The following KCNQ3 variants were observed in gnomAD, a reference collection of about 807,000 sequenced individuals.
The protein encoded by KCNQ3 is potassium voltage-gated channel subfamily Q member 3, also known as potassium voltage-gated channel subfamily KQT member 3.
KCNQ3 carries 30 observed loss-of-function variants against 92.5 expected under a neutral mutation model. That is an observed-to-expected ratio of 0.32 (90% CI 0.24 to 0.44). KCNQ3 has a LOEUF of 0.44. Among genes scored for constraint, KCNQ3 ranks in the 20% least tolerant of loss-of-function variants. The pLI, the probability that KCNQ3 is intolerant of heterozygous loss-of-function variation, is 1.00. For missense variants in KCNQ3, 913 were observed against 1,140.3 expected, an observed-to-expected ratio of 0.80 and a Z score of 2.87; for synonymous variants, 450 against 468.8, an observed-to-expected ratio of 0.96 and a Z score of 0.52.
At chr8:132,234,708 T>G (rs1300581512) in intron 1 of KCNQ3, among the ~76,000 whole-genome samples, 1 of 152,194 alleles carries the variant, frequency 6.6e-6, no homozygotes, top group Non-Finnish European at 1.5e-5. Flanking sequence ...ATTAAGTGAT[T>G]TGACTCTGGT....
chr8:132,232,265 T>A (rs1814668426), intron 1 of KCNQ3, among the ~76,000 whole-genome samples: 1 of 148,538 alleles, frequency 6.7e-6, no homozygotes, highest in South Asian at 2.1e-4. Context: ...CACCAAGGGG[T>A]CTTGTTAAAT....
intron 1 of KCNQ3, among the ~76,000 whole-genome samples, chr8:132,280,308 C>T (rs1411848259): frequency 1.3e-5 from 2 of 152,136 alleles, no homozygotes; most frequent in Admixed American, 6.6e-5. Flanking sequence ...GTTTAATTAG[C>T]TGATGGTTCT....
chr8:132,260,593 G>A (rs1298900521), intron 1 of KCNQ3, among the ~76,000 whole-genome samples: 1 of 152,200 alleles, frequency 6.6e-6, no homozygotes, highest in East Asian at 1.9e-4. Flanking sequence ...TTGGGAGTGG[G>A]TGGCTGGGGT....
intron 1 of KCNQ3, among the ~76,000 whole-genome samples, chr8:132,362,946 G>A (rs1247471694): frequency 1.3e-5 from 2 of 152,160 alleles, no homozygotes; most frequent in African/African-American, 4.8e-5. Context: ...AAGGCTAGAG[G>A]GAAGGAGAGG....
intron 1 of KCNQ3, among the ~76,000 whole-genome samples, chr8:132,459,020 G>C (rs183497540): frequency 6.6e-5 from 10 of 152,152 alleles, no homozygotes; most frequent in African/African-American, 2.4e-4. Flanking sequence ...GGCATCTCTT[G>C]GCTGTGATAG....
At chr8:132,227,060 C>CTTTTT (rs923601765) in intron 1 of KCNQ3, among the ~76,000 whole-genome samples, 2 of 82,542 alleles carry the variant, frequency 2.4e-5, no homozygotes, top group Non-Finnish European at 2.5e-5. Flanking sequence ...ATATCTCACT[C>CTTTTT]TTTTTTTTTT....
At chr8:132,188,878 C>T (rs573442929) in intron 1 of KCNQ3, among the ~76,000 whole-genome samples, 2 of 152,318 alleles carry the variant, frequency 1.3e-5, no homozygotes, top group Admixed American at 6.5e-5. Flanking sequence ...TACAGTTGAC[C>T]ATATGTCCAA....
chr8:132,363,544 C>T (rs935831443), intron 1 of KCNQ3, among the ~76,000 whole-genome samples: 1 of 152,058 alleles, frequency 6.6e-6, no homozygotes, highest in Non-Finnish European at 1.5e-5. Context: ...TATAAGGAAA[C>T]ACATCAAGGA....
intron 1 of KCNQ3, among the ~76,000 whole-genome samples, chr8:132,219,270 A>T (rs1563809970): frequency 6.6e-6 from 1 of 152,156 alleles, no homozygotes. Flanking sequence ...GGTGATGCCA[A>T]GGCTGTAAGT....
Position 132,175,594 on chromosome 8 carries a change from G to C in KCNQ3, c.792C>G (p.Ala264=), listed in dbSNP as rs200275606. 10 of 1,614,122 alleles carry C rather than the reference G, an allele frequency of 6.2e-6. No homozygotes were observed. In the East Asian group the frequency reaches 2.2e-4, roughly 36 times the overall value. Residue 264 remains alanine (A), a synonymous_variant, in exon 5 of 15, where the codon GCC becomes GCG. Coordinates refer to ENST00000388996, the MANE Select transcript of KCNQ3 (RefSeq NM_004519.4). ...TGAGTGTCAGGAAACCGATGTACCAGGCCGTGATGAGTTCCTGAAAGAATG... is the reference window on the plus strand; with the variant it reads ...TGAGTGTCAGGAAACCGATGTACCACGCCGTGATGAGTTCCTGAAAGAATG... ...ICAHSKELIT[A]WYIGFLTLIL...
At chr8:132,167,649 G>A (rs1159146392) in intron 8 of KCNQ3, among the ~76,000 whole-genome samples, 3 of 152,068 alleles carry the variant, frequency 2.0e-5, no homozygotes, top group African/African-American at 7.2e-5. Context: ...ATTTCTCTAG[G>A]GACATTATAC....
chr8:132,458,675 G>A (rs752716809), intron 1 of KCNQ3, among the ~76,000 whole-genome samples: 3 of 152,108 alleles, frequency 2.0e-5, no homozygotes, highest in Non-Finnish European at 4.4e-5. Flanking sequence ...AGCTGGTCTC[G>A]AACTCCTGAT....
chr8:132,361,438 TA>T (rs1205073728), intron 1 of KCNQ3, among the ~76,000 whole-genome samples: 1 of 152,234 alleles, frequency 6.6e-6, no homozygotes, highest in East Asian at 1.9e-4. Context: ...ATTAATAGAA[TA>T]TTTTTTATCA....
chr8:132,205,243 T>G (rs1813620350), intron 1 of KCNQ3, among the ~76,000 whole-genome samples: 1 of 152,244 alleles, frequency 6.6e-6, no homozygotes, highest in African/African-American at 2.4e-5. Flanking sequence ...AGAAGCTTAC[T>G]TCTCTTCATT....
At chr8:132,222,164 C>T (rs1034214078) in intron 1 of KCNQ3, among the ~76,000 whole-genome samples, 2 of 152,282 alleles carry the variant, frequency 1.3e-5, no homozygotes, top group African/African-American at 4.8e-5. Flanking sequence ...GCAATCTATC[C>T]ATCTGACAAA....
chr8:132,285,337 G>A (rs187554543), intron 1 of KCNQ3, among the ~76,000 whole-genome samples: 2 of 152,270 alleles, frequency 1.3e-5, no homozygotes, highest in African/African-American at 4.8e-5. Flanking sequence ...ATAGAAATAT[G>A]GACAGTAAAG....
At chr8:132,259,896 C>T (rs190057948) in intron 1 of KCNQ3, among the ~76,000 whole-genome samples, 200 of 152,178 alleles carry the variant, frequency 1.3e-3, no homozygotes, top group African/African-American at 4.5e-3. Context: ...AATATAATTA[C>T]ATGTACAATA....
chr8:132,342,392 C>T (rs1818558835), intron 1 of KCNQ3, among the ~76,000 whole-genome samples: 2 of 152,068 alleles, frequency 1.3e-5, no homozygotes, highest in Admixed American at 6.6e-5. Context: ...CAATTCTCGC[C>T]TTCTCAGGTG....
chr8:132,447,143 G>T, intron 1 of KCNQ3: 1 of 1,424,218 alleles, frequency 7.0e-7, no homozygotes, highest in Non-Finnish European at 9.6e-7. Context: ...CTGGGACTCT[G>T]AGTCCATCTT....
Sources: allele counts gnomAD v4.1 joint callset (sites outside exome capture counted in the v4.1 genomes callset), GRCh38; gene constraint gnomAD v4.1.1; transcripts MANE v1.5; gene names NCBI Gene and HGNC (gene_info 2026-07-23, HGNC 2026-07-21).